Variants in PRKN observed in about 807,000 individuals in gnomAD.
The protein encoded by PRKN is parkin RBR E3 ubiquitin protein ligase, also known as E3 ubiquitin-protein ligase parkin.
PRKN carries 56 observed loss-of-function variants against 59.5 expected under a neutral mutation model. That is an observed-to-expected ratio of 0.94 (90% confidence interval 0.76 to 1.18). PRKN has a LOEUF of 1.18. Among genes scored for constraint, PRKN ranks in the 50% most tolerant of loss-of-function variants. The pLI, the probability that PRKN is intolerant of heterozygous loss-of-function variation, is 0.00. For missense variants in PRKN, 657 were observed against 596.4 expected (o/e 1.10, Z -1.06); for synonymous variants, 250 against 222.1 (o/e 1.13, Z -1.12).
chr6:162,051,638 C>T (rs1047597570), intron 5 of PRKN, among the ~76,000 whole-genome samples: 4 of 152,106 alleles, frequency 2.6e-5, no homozygotes, highest in Non-Finnish European at 4.4e-5. Context: ...CCTTCGGGGG[C>T]GATGATGGAC....
intron 1 of PRKN, among the ~76,000 whole-genome samples, chr6:162,618,240 T>G (rs529897053): frequency 6.6e-6 from 1 of 152,180 alleles, no homozygotes; most frequent in East Asian, 1.9e-4. Context: ...AAGGAAAGGG[T>G]CTTATGAAGT....
intron 1 of PRKN, among the ~76,000 whole-genome samples, chr6:162,547,333 C>G (rs1385321084): frequency 1.3e-5 from 2 of 152,146 alleles, no homozygotes; most frequent in African/African-American, 4.8e-5. Context: ...GAGGGCATGG[C>G]AAGATTTACT....
chr6:162,438,756 G>A (rs1789903152), intron 2 of PRKN, among the ~76,000 whole-genome samples: 1 of 152,174 alleles, frequency 6.6e-6, no homozygotes. Context: ...TACGTTGTGT[G>A]TTGGTGTGGG....
intron 2 of PRKN, among the ~76,000 whole-genome samples, chr6:162,333,358 G>T (rs1333705893): frequency 1.3e-5 from 2 of 151,788 alleles, no homozygotes; most frequent in African/African-American, 4.8e-5. Flanking sequence ...CAAATTGAAG[G>T]TTTATGGCGA....
chr6:161,493,157 C>T (rs1736769563), intron 9 of PRKN, among the ~76,000 whole-genome samples: 1 of 152,070 alleles, frequency 6.6e-6, no homozygotes, highest in Admixed American at 6.6e-5. Flanking sequence ...CTTAAGATGC[C>T]AAAGGGGAGG....
At chr6:161,366,561 G>A (rs1352886213) in intron 10 of PRKN, among the ~76,000 whole-genome samples, 1 of 152,224 alleles carries the variant, frequency 6.6e-6, no homozygotes, top group East Asian at 1.9e-4. Flanking sequence ...TTGAGTCCTT[G>A]TGGTCGAACT....
At chr6:161,636,401 T>C (rs1457623618) in intron 7 of PRKN, among the ~76,000 whole-genome samples, 5 of 152,198 alleles carry the variant, frequency 3.3e-5, no homozygotes, top group Admixed American at 3.3e-4. Context: ...CCGGAGACAC[T>C]GGGCCGGACC....
rs927246920 is a variant in PRKN at position 161,418,914 on chromosome 6, T to G, written c.1084-32037A>C. Reference sequence around the variant, plus strand: ...CATTGGCATTTTCACATACAGGCGGTGGAGTTTTCTAGCGTTCCAGCCTAA... The same window carrying G: ...CATTGGCATTTTCACATACAGGCGGGGGAGTTTTCTAGCGTTCCAGCCTAA... On this transcript the variant is annotated intron_variant, in intron 9 of 11. Transcript: ENST00000366898. Among the ~76,000 whole-genome samples the G allele has an allele frequency of 3.7e-4, 56 of 152,282 alleles. 3 individuals are homozygous for G. Among genetic ancestry groups the G allele is most frequent in the African/African-American group, 1.2e-3 (49 of 41,548 alleles).
chr6:161,935,484 G>A (rs1392109123), intron 6 of PRKN, among the ~76,000 whole-genome samples: 1 of 150,124 alleles, frequency 6.7e-6, no homozygotes, highest in Non-Finnish European at 1.5e-5. Context: ...AGCCGGGGAA[G>A]TTGAGGCTGC....
chr6:161,553,479 T>C (rs1223871662), intron 8 of PRKN, among the ~76,000 whole-genome samples: 2 of 152,114 alleles, frequency 1.3e-5, no homozygotes, highest in Admixed American at 6.6e-5. Context: ...CTCTCTGTAA[T>C]ACTACTTCAT....
At chr6:161,999,381 A>G (rs1479685897) in intron 5 of PRKN, among the ~76,000 whole-genome samples, 2 of 152,088 alleles carry the variant, frequency 1.3e-5, no homozygotes, top group Non-Finnish European at 2.9e-5. Flanking sequence ...TAACAGCATC[A>G]TGAAAAAGAG....
intron 1 of PRKN, among the ~76,000 whole-genome samples, chr6:162,652,616 T>C (rs1778487688): frequency 6.6e-6 from 1 of 152,102 alleles, no homozygotes; most frequent in African/African-American, 2.4e-5. Flanking sequence ...GCTTATTATT[T>C]ATGGTTTCTA....
At chr6:161,380,944 C>T (rs549796332) in intron 10 of PRKN, among the ~76,000 whole-genome samples, 1 of 152,166 alleles carries the variant, frequency 6.6e-6, no homozygotes, top group African/African-American at 2.4e-5. Flanking sequence ...ACAAGCCATG[C>T]CCACTCCAGT....
chr6:162,626,193 C>A (rs1245133041), intron 1 of PRKN, among the ~76,000 whole-genome samples: 1 of 152,146 alleles, frequency 6.6e-6, no homozygotes, highest in East Asian at 1.9e-4. Context: ...TTTTTGCATG[C>A]TGGATGGGGA....
chr6:162,339,351 C>G (rs1250047058), intron 2 of PRKN, among the ~76,000 whole-genome samples: 1 of 143,852 alleles, frequency 7.0e-6, no homozygotes, highest in African/African-American at 2.6e-5. Context: ...GGGGGGTCAG[C>G]CCCCGCCCGG....
chr6:162,593,977 C>T (rs1049916835), intron 1 of PRKN, among the ~76,000 whole-genome samples: 1 of 151,992 alleles, frequency 6.6e-6, no homozygotes, highest in African/African-American at 2.4e-5. Context: ...GGCAAAAGCC[C>T]GCCTCTACTA....
In PRKN at chr6:162,411,764, A is replaced by T. The variant is rs149432081; in HGVS notation, c.171+31546T>A. Among the ~76,000 whole-genome samples the T allele has an allele frequency of 1.4e-3, 216 of 152,252 alleles. 1 individual carries two copies. Among genetic ancestry groups the T allele is most frequent in the African/African-American group, 5.0e-3 (207 of 41,542 alleles). On this transcript the variant is annotated intron_variant, in intron 2 of 11. Transcript: ENST00000366898. ...GACTGGAGACAAATATAACCATTGA[A>T]GCAAACTGAGTACCTTTCAAGGGCC...
chr6:162,548,249 G>A (rs1779196883), intron 1 of PRKN, among the ~76,000 whole-genome samples: 1 of 151,814 alleles, frequency 6.6e-6, no homozygotes, highest in Non-Finnish European at 1.5e-5. Context: ...TAGTAGAGAT[G>A]GGTTTCACCA....
intron 7 of PRKN, among the ~76,000 whole-genome samples, chr6:161,678,957 C>T (rs998249718): frequency 1.3e-5 from 2 of 152,144 alleles, no homozygotes; most frequent in Admixed American, 6.5e-5. Flanking sequence ...TTATTGGTGA[C>T]CCCCAGGAGA....
Sources: gnomAD v4.1 joint callset for allele counts (sites outside exome capture counted in the v4.1 genomes callset) on GRCh38, gnomAD v4.1.1 for gene constraint, MANE v1.5 for transcripts, NCBI Gene and HGNC (gene_info 2026-07-23, HGNC 2026-07-21) for gene names.